Variants in MACROD2 observed in about 807,000 individuals in gnomAD.
The protein encoded by MACROD2 is mono-ADP ribosylhydrolase 2.
In MACROD2, 36 loss-of-function variants were observed where a neutral mutation model predicts 70.4. The observed-to-expected ratio is 0.51, with a 90% CI of 0.39 to 0.68. MACROD2 has a LOEUF of 0.68. Among genes scored for constraint, MACROD2 ranks in the 30% least tolerant of loss-of-function variants. MACROD2 has a pLI of 0.00. For missense variants in MACROD2, 496 were observed against 538.4 expected, an observed-to-expected ratio of 0.92 and a Z score of 0.78; for synonymous variants, 172 against 178.8, an observed-to-expected ratio of 0.96 and a Z score of 0.30.
intron 8 of MACROD2, among the ~76,000 whole-genome samples, chr20:15,516,904 C>T (rs1450259201): frequency 6.6e-6 from 1 of 152,128 alleles, no homozygotes; most frequent in Admixed American, 6.5e-5. Flanking sequence ...ACAGTTGTTG[C>T]AGAGATCTCA....
At position 15,658,793 on chromosome 20, in the gene MACROD2, C is replaced by G. The variant is rs1323213093; in HGVS notation, c.645+158946C>G. Among the ~76,000 whole-genome samples, 6 of 152,148 alleles carry G rather than the reference C, an allele frequency of 3.9e-5. No individual in the cohort carries two copies. The East Asian group carries it at 9.7e-4, about 24-fold the overall frequency. ...AACTCTAATATAGTCTACATGCTCA[C>G]AAGGATGGTTTTTGCTAAAGAGACC... is the stretch of plus-strand genomic sequence containing the variant. On this transcript the variant is annotated intron_variant, in intron 8 of 17. Transcript: ENST00000684519.
intron 2 of MACROD2, among the ~76,000 whole-genome samples, chr20:14,081,283 T>C (rs2053991201): frequency 6.6e-6 from 1 of 152,230 alleles, no homozygotes; most frequent in Admixed American, 6.5e-5. Context: ...ACCTCCATCC[T>C]GCTCCTTGGC....
At chr20:14,581,934 A>G (rs1981048831) in intron 4 of MACROD2, among the ~76,000 whole-genome samples, 1 of 152,180 alleles carries the variant, frequency 6.6e-6, no homozygotes, top group Non-Finnish European at 1.5e-5. Flanking sequence ...TCTATGTCTC[A>G]GGCAGACAGT....
At chr20:15,617,172 C>A (rs2049051048) in intron 8 of MACROD2, among the ~76,000 whole-genome samples, 1 of 151,780 alleles carries the variant, frequency 6.6e-6, no homozygotes, top group African/African-American at 2.4e-5. Flanking sequence ...AGTTTTTCTC[C>A]CATGTTTATC....
At chr20:14,649,291 C>T (rs773489073) in intron 4 of MACROD2, among the ~76,000 whole-genome samples, 7 of 152,180 alleles carry the variant, frequency 4.6e-5, no homozygotes, top group Non-Finnish European at 8.8e-5. Context: ...ATGAGGGTAG[C>T]ACTAGTGAAA....
At chr20:14,806,962 T>G (rs1011584249) in intron 5 of MACROD2, among the ~76,000 whole-genome samples, 3 of 152,000 alleles carry the variant, frequency 2.0e-5, no homozygotes, top group Non-Finnish European at 4.4e-5. Flanking sequence ...TAGATAAAAC[T>G]CTCATCTCCC....
At chr20:15,681,642 A>G (rs2050161406) in intron 8 of MACROD2, among the ~76,000 whole-genome samples, 1 of 152,220 alleles carries the variant, frequency 6.6e-6, no homozygotes, top group Non-Finnish European at 1.5e-5. Flanking sequence ...TAGAATGGCC[A>G]GTAGTTTGCA....
intron 3 of MACROD2, among the ~76,000 whole-genome samples, chr20:14,305,842 A>ATT (rs112159381): frequency 6.7e-6 from 1 of 148,452 alleles, no homozygotes; most frequent in African/African-American, 2.5e-5. Flanking sequence ...TTTGTTACAT[A>ATT]TTTTTTTTTT....
At chr20:14,970,177 G>A (rs1400793457) in intron 5 of MACROD2, among the ~76,000 whole-genome samples, 1 of 152,076 alleles carries the variant, frequency 6.6e-6, no homozygotes, top group African/African-American at 2.4e-5. Flanking sequence ...CAAGCAAAGG[G>A]GGAAAAGCCC....
intron 10 of MACROD2, among the ~76,000 whole-genome samples, chr20:15,922,620 C>T (rs543865084): frequency 3.1e-4 from 47 of 152,330 alleles, no homozygotes; most frequent in Middle Eastern, 3.4e-3. Flanking sequence ...ACAAAAGTCT[C>T]CGCTGGGGCA....
At position 14,116,470 on chromosome 20, in the gene MACROD2, T is replaced by C. The variant is rs369825068; in HGVS notation, c.271+30742T>C. Among the ~76,000 whole-genome samples the C allele has an allele frequency of 8.3e-4, 126 of 152,282 alleles. 5 individuals are homozygous for C. In the South Asian group the frequency reaches 0.024, roughly 29 times the overall value. On this transcript the variant is annotated intron_variant, in intron 3 of 17. Transcript: ENST00000684519. Reference sequence around the variant, plus strand: ...GACTTTTAGTTAGAATGGTGGTAAATTTAGACTTAGAGGATTTTGTACTTT... The same window carrying C: ...GACTTTTAGTTAGAATGGTGGTAAACTTAGACTTAGAGGATTTTGTACTTT...
intron 8 of MACROD2, among the ~76,000 whole-genome samples, chr20:15,702,737 G>A (rs2050478267): frequency 6.6e-6 from 1 of 151,944 alleles, no homozygotes; most frequent in South Asian, 2.1e-4. Flanking sequence ...TAAATTCTTT[G>A]CCAAGGAAAA....
At chr20:15,821,308 A>G (rs984904462) in intron 8 of MACROD2, among the ~76,000 whole-genome samples, 15 of 151,982 alleles carry the variant, frequency 9.9e-5, no homozygotes, top group African/African-American at 2.4e-4. Context: ...CCTTTGTTTT[A>G]TAAGTCCCTC....
chr20:14,425,153 CTCTT>C (rs1263018088), intron 3 of MACROD2, among the ~76,000 whole-genome samples: 1 of 152,170 alleles, frequency 6.6e-6, no homozygotes, highest in Non-Finnish European at 1.5e-5. Context: ...CAAAGAAAAT[CTCTT>C]TCACCCAGTG....
intron 3 of MACROD2, among the ~76,000 whole-genome samples, chr20:14,448,101 G>A (rs2084203898): frequency 6.6e-6 from 1 of 151,694 alleles, no homozygotes; most frequent in African/African-American, 2.4e-5. Flanking sequence ...TATTAGTCAA[G>A]TGAGAACTTT....
chr20:14,546,664 A>T lies in MACROD2; in HGVS notation c.301+53156A>T, dbSNP rs149541524. ...ACCTGGATGGCTTTTCCTTCTTTTG[A>T]TCCCAACTTTCCCTTCCTTTGATCT... On this transcript the variant is annotated intron_variant, in intron 4 of 17. Transcript: ENST00000684519. 2.6e-5 allele frequency among the ~76,000 whole-genome samples: 4 copies of T among 152,054 alleles called. No individual in the cohort carries two copies. The East Asian group carries it at 7.8e-4, about 29-fold the overall frequency.
At position 14,102,170 on chromosome 20, in the gene MACROD2, A is replaced by AT. The variant is rs1293362264; in HGVS notation, c.271+16447dup. ...AGGTTTGTGCCACCATGCCCGGCTA[A>AT]TTTTTGTATTTCTAGTAGAGACGGG... On this transcript the variant is annotated intron_variant, in intron 3 of 17. Transcript: ENST00000684519. Among the ~76,000 whole-genome samples, 4 of 151,528 alleles carry AT rather than the reference A, an allele frequency of 2.6e-5. No individual in the cohort carries two copies. The East Asian group carries it at 7.8e-4, about 30-fold the overall frequency.
chr20:15,005,979 G>T (rs745616105), intron 5 of MACROD2, among the ~76,000 whole-genome samples: 2 of 151,910 alleles, frequency 1.3e-5, no homozygotes, highest in Non-Finnish European at 2.9e-5. Context: ...AATATATAAG[G>T]ACTCTACCTG....
At chr20:15,463,867 T>A (rs2046850499) in intron 7 of MACROD2, among the ~76,000 whole-genome samples, 1 of 152,238 alleles carries the variant, frequency 6.6e-6, no homozygotes, top group South Asian at 2.1e-4. Flanking sequence ...CTTCCCCTGC[T>A]ATTAAGCACC....
Sources: gnomAD v4.1 joint callset for allele counts (sites outside exome capture counted in the v4.1 genomes callset) on GRCh38, gnomAD v4.1.1 for gene constraint, MANE v1.5 for transcripts, NCBI Gene and HGNC (gene_info 2026-07-23, HGNC 2026-07-21) for gene names.